The following MOB1B variants were observed in gnomAD, a reference collection of about 807,000 sequenced individuals.
MOB1B encodes the protein MOB kinase activator 1B, also known as MOB1 Mps One Binder homolog B.
In MOB1B, 19 loss-of-function variants were observed where a neutral mutation model predicts 24.4. The ratio of observed to expected loss-of-function variants is 0.78; its 90% CI spans 0.54 to 1.14. The LOEUF (loss-of-function observed/expected upper bound fraction) is 1.14, where lower values mean the gene tolerates loss of function less well. MOB1B is among the 50% of genes most tolerant of loss of function. The probability of loss-of-function intolerance (pLI) is 0.00; values close to 1 mark genes in which losing one functional copy is unlikely to be tolerated. For missense variants in MOB1B, 243 were observed against 259.6 expected (o/e 0.94, Z 0.44); for synonymous variants, 76 against 82.1 (o/e 0.93, Z 0.40).
rs1001740487 is a variant in MOB1B, at chr4:70,914,477, C to T, written c.14+11927C>T. On this transcript the variant is annotated intron_variant, in intron 1 of 5. Coordinates refer to ENST00000309395, the MANE Select transcript of MOB1B (RefSeq NM_173468.4). ...TTTATCTGAGGACGTTGGTTCTGCT[C>T]AGTGGAGAACAGTATTTAGAAACCA... Among the ~76,000 whole-genome samples, 14 of 152,266 alleles carry T rather than the reference C, an allele frequency of 9.2e-5. No individual in the cohort carries two copies. The East Asian group carries it at 2.7e-3, about 29-fold the overall frequency.
At chr4:70,913,259 GGTATGTATGTATGTATGTAT>G (rs58774039) in intron 1 of MOB1B, among the ~76,000 whole-genome samples, 1 of 149,918 alleles carries the variant, frequency 6.7e-6, no homozygotes, top group African/African-American at 2.5e-5. Flanking sequence ...CGTTTGTATG[GGTATGTATGTATGTATGTAT>G]GTATGTATGT....
Position 70,958,862 on chromosome 4 carries a change from T to C in MOB1B, c.15-12T>C, listed in dbSNP as rs779787206. The C allele has an allele frequency of 6.3e-7, 1 of 1,595,994 alleles. No homozygotes were observed. The highest frequency in any genetic ancestry group is 1.8e-5 in the Admixed American group (1 of 55,442). On this transcript the variant is annotated splice_polypyrimidine_tract_variant and intron_variant, in intron 1 of 5. Transcript: ENST00000309395. ...AAATATTAAACCCTTTTTTTTTCTT[T>C]TCTATTCATAGTGGTAGTCGCTCTT...
intron 1 of MOB1B, among the ~76,000 whole-genome samples, chr4:70,957,724 G>A (rs1738125290): frequency 6.7e-6 from 1 of 150,080 alleles, no homozygotes; most frequent in Non-Finnish European, 1.5e-5. Context: ...GATTACCAGT[G>A]TAAGTCACCA....
At chr4:70,941,108 A>AT (rs1248175091) in intron 1 of MOB1B, among the ~76,000 whole-genome samples, 1 of 148,030 alleles carries the variant, frequency 6.8e-6, no homozygotes, top group Non-Finnish European at 1.5e-5. Flanking sequence ...ACATTGTCTG[A>AT]TTTTCTCTTT....
chr4:70,958,104 A>C (rs574198761), intron 1 of MOB1B, among the ~76,000 whole-genome samples: 1 of 152,076 alleles, frequency 6.6e-6, no homozygotes, highest in South Asian at 2.1e-4. Context: ...AGAATTCTGG[A>C]CTAAAATTGA....
chr4:70,973,355 G>A (rs935118333), intron 3 of MOB1B, among the ~76,000 whole-genome samples: 7 of 151,396 alleles, frequency 4.6e-5, no homozygotes, highest in South Asian at 2.1e-4. Flanking sequence ...CTGTAATCTC[G>A]GCACTTTGGG....
intron 5 of MOB1B, among the ~76,000 whole-genome samples, chr4:70,981,372 A>G (rs187576760): frequency 3.3e-5 from 5 of 152,366 alleles, no homozygotes; most frequent in East Asian, 1.9e-4. Context: ...GGGGAAATCT[A>G]TTCAGAAGTG....
At chr4:70,947,072 C>G (rs939540175) in intron 1 of MOB1B, among the ~76,000 whole-genome samples, 1 of 152,102 alleles carries the variant, frequency 6.6e-6, no homozygotes, top group Admixed American at 6.5e-5. Flanking sequence ...TCATTTTAAA[C>G]TTAGGGAAGT....
In MOB1B at chr4:70,925,143, A is replaced by C. The variant is rs189641272; in HGVS notation, c.14+22593A>C. Among the ~76,000 whole-genome samples, 8 of 152,222 alleles carry C rather than the reference A, an allele frequency of 5.3e-5. 1 individual carries two copies. Among genetic ancestry groups the C allele is most frequent in the African/African-American group, 1.9e-4 (8 of 41,534 alleles). On this transcript the variant is annotated intron_variant, in intron 1 of 5. Coordinates refer to ENST00000309395, the MANE Select transcript of MOB1B (RefSeq NM_173468.4). ...ACTGCAACCTCCACCTCCTGGGTTCAAGTGATTCTCCTGCCTCAGCCTCCT... is the reference window on the plus strand; with the variant it reads ...ACTGCAACCTCCACCTCCTGGGTTCCAGTGATTCTCCTGCCTCAGCCTCCT...
chr4:70,908,287 CAA>C lies in MOB1B; in HGVS notation c.14+5739_14+5740del, dbSNP rs376484014. 9.4e-3 allele frequency among the ~76,000 whole-genome samples: 1,402 copies of C among 149,886 alleles called. 27 individuals carry two copies. Among genetic ancestry groups the C allele is most frequent in the African/African-American group, 0.032 (1,330 of 40,984 alleles). On this transcript the variant is annotated intron_variant, in intron 1 of 5. Coordinates refer to ENST00000309395, the MANE Select transcript of MOB1B (RefSeq NM_173468.4). ...TCGTGATCCGCCTGCCTCGGCCTCC[CAA>C]AGTGCTGGGATTACAGGCATGAGCC...
chr4:70,966,566 G>T (rs1738539457), intron 2 of MOB1B, among the ~76,000 whole-genome samples: 1 of 151,534 alleles, frequency 6.6e-6, no homozygotes, highest in African/African-American at 2.4e-5. Flanking sequence ...TAGAGACGGG[G>T]TTTCTCCATG....
At chr4:70,929,524 A>C (rs1448991197) in intron 1 of MOB1B, among the ~76,000 whole-genome samples, 1 of 151,988 alleles carries the variant, frequency 6.6e-6, no homozygotes, top group Admixed American at 6.6e-5. Flanking sequence ...TCTGTGGCTG[A>C]GTCTGTAGCA....
At chr4:70,934,106 G>T (rs948799340) in intron 1 of MOB1B, among the ~76,000 whole-genome samples, 4 of 151,746 alleles carry the variant, frequency 2.6e-5, no homozygotes, top group Non-Finnish European at 4.4e-5. Flanking sequence ...TATTTTTGAG[G>T]TGAAGTCTCG....
chr4:70,944,924 A>G (rs551579020), intron 1 of MOB1B, among the ~76,000 whole-genome samples: 39 of 152,286 alleles, frequency 2.6e-4, no homozygotes, highest in Non-Finnish European at 4.1e-4. Context: ...ACAATTCAAC[A>G]TGAGATTTGG....
At chr4:70,902,293 C>G, upstream of MOB1B, 1 of 593,174 alleles carries the variant, frequency 1.7e-6, no homozygotes, top group Non-Finnish European at 3.0e-6. Context: ...GGAGAGCCTG[C>G]CCCGCCTCCC....
chr4:70,903,466 C>G lies in MOB1B; in HGVS notation c.14+916C>G, dbSNP rs923457036. On this transcript the variant is annotated intron_variant, in intron 1 of 5. Coordinates refer to ENST00000309395, the MANE Select transcript of MOB1B (RefSeq NM_173468.4). ...AGGCAGTAGATAAGCCTCAGGTCCT[C>G]TGAAAACAGGGGTTACAGCCTGAGG... Among the ~76,000 whole-genome samples, 7 of 152,260 alleles carry G rather than the reference C, an allele frequency of 4.6e-5. 1 individual carries two copies. The South Asian group carries it at 8.3e-4, about 18-fold the overall frequency.
chr4:70,935,650 C>G (rs1469233435), intron 1 of MOB1B, among the ~76,000 whole-genome samples: 1 of 151,704 alleles, frequency 6.6e-6, no homozygotes, highest in East Asian at 1.9e-4. Flanking sequence ...CTAAGTTAAC[C>G]ATTATACTCT....
At chr4:70,979,039 C>A in intron 4 of MOB1B, 89 bp from the exon 5 acceptor site, 1 of 1,043,940 alleles carries the variant, frequency 9.6e-7, no homozygotes. Flanking sequence ...TCAGCCTTGT[C>A]TTGGTAATTT....
chr4:70,904,914 TAGTTTGTTTCTCCTGA>T (rs1375168582), intron 1 of MOB1B, among the ~76,000 whole-genome samples: 3 of 152,188 alleles, frequency 2.0e-5, no homozygotes, highest in Non-Finnish European at 2.9e-5. Flanking sequence ...TGTGGTGGAT[TAGTTTGTTTCTCCTGA>T]AGGTTAGTAA....
Sources: gnomAD v4.1 joint callset for allele counts (sites outside exome capture counted in the v4.1 genomes callset) on GRCh38, gnomAD v4.1.1 for gene constraint, MANE v1.5 for transcripts, NCBI Gene and HGNC (gene_info 2026-07-23, HGNC 2026-07-21) for gene names.